Variants in CXXC1 observed in about 807,000 individuals in gnomAD.
The protein encoded by CXXC1 is CXXC finger protein 1.
In CXXC1, 21 loss-of-function variants were observed where a neutral mutation model predicts 83.6. That is an observed-to-expected ratio of 0.25 (90% CI 0.18 to 0.36). The LOEUF (loss-of-function observed/expected upper bound fraction) is 0.36, where lower values mean the gene tolerates loss of function less well. CXXC1 is among the 10% of genes least tolerant of loss of function. The pLI, the probability that CXXC1 is intolerant of heterozygous loss-of-function variation, is 1.00. For synonymous variants in CXXC1, 371 were observed against 337.5 expected, an observed-to-expected ratio of 1.10 and a Z score of -1.09; for missense variants, 688 against 919.5, an observed-to-expected ratio of 0.75 and a Z score of 3.26.
chr18:50,282,752 C>A lies in CXXC1; in HGVS notation c.1825-13G>T. The A allele has an allele frequency of 6.2e-7, 1 of 1,613,338 alleles. No homozygotes were observed. Among genetic ancestry groups the A allele is most frequent in the Non-Finnish European group, 8.5e-7 (1 of 1,179,680 alleles). On this transcript the variant is annotated splice_polypyrimidine_tract_variant and intron_variant, in intron 14 of 14. Coordinates refer to ENST00000285106, the MANE Select transcript of CXXC1 (RefSeq NM_014593.4). The surrounding 1 kb of genome is among the most constrained non-coding windows in gnomAD (Gnocchi z 5.8). Reference sequence around the variant, plus strand: ...CCAGCTTGTACCACTGCCAAGGGAGCGGCAGGAGTCCTAAGCAGGAACACC... The same window carrying A: ...CCAGCTTGTACCACTGCCAAGGGAGAGGCAGGAGTCCTAAGCAGGAACACC...
In CXXC1 at chr18:50,283,663, G is replaced by A. The variant is rs2040661135; in HGVS notation, c.1524+42C>T. On this transcript the variant is annotated intron_variant, in intron 11 of 14. Coordinates refer to ENST00000285106, the MANE Select transcript of CXXC1 (RefSeq NM_014593.4). ...CAAATCTGTCCCCCACTGGCCCACT[G>A]ATGTTCCCACATGGTCCGCCCCCTC... The A allele has an allele frequency of 1.9e-6, 3 of 1,609,366 alleles. No individual in the cohort carries two copies. In the African/African-American group the frequency reaches 4.0e-5, roughly 22 times the overall value.
chr18:50,282,416 C>T lies in CXXC1; in HGVS notation c.*177G>A. The T allele has an allele frequency of 1.3e-6, 1 of 774,508 alleles. No homozygotes were observed. The highest frequency in any genetic ancestry group is 2.5e-5 in the East Asian group (1 of 40,362). 48.0% of individuals were successfully genotyped at this position (774,508 alleles called of 1,614,324 possible). A position where few individuals can be genotyped will look rare whatever the true frequency, so the allele number is the denominator to read the frequency against. On this transcript the variant is annotated 3_prime_UTR_variant, in exon 15 of 15. Transcript: ENST00000285106. This position sits in a 1 kb window ranked among gnomAD's most constrained non-coding sequence, Gnocchi z 5.8. ...CAAGGATGAGTGGACTCCGCAGCCC[C>T]ACCAGGCACTGAACATGTCGACGGG...
In CXXC1 at chr18:50,284,418, TG is replaced by T; in HGVS notation, c.1164del (p.Lys389SerfsTer9). 6.3e-7 allele frequency: 1 copy of T among 1,575,732 alleles called. No homozygotes were observed. The highest frequency in any genetic ancestry group is 8.6e-7 in the Non-Finnish European group (1 of 1,163,840). On this transcript the variant is annotated frameshift_variant, in exon 9 of 15. Coordinates refer to ENST00000285106, the MANE Select transcript of CXXC1 (RefSeq NM_014593.4). LOFTEE classifies it high-confidence loss of function. ...PGCVRPAQPS[S>X]KYCSDDCGMK... ...ATGCCACAGTCATCTGAGCAATACT[TG>T]GAGCTGGGCTGGGCGGGGCGCACAC...
At position 50,282,663 on chromosome 18, in the gene CXXC1, G is replaced by A; in HGVS notation, c.1901C>T (p.Ala634Val). The A allele has an allele frequency of 6.2e-7, 1 of 1,613,182 alleles. No individual in the cohort carries two copies. The highest frequency in any genetic ancestry group is 8.5e-7 in the Non-Finnish European group (1 of 1,180,016). Residue 634 changes from alanine (A) to valine (V), a missense_variant, in exon 15 of 15, where the codon GCC (alanine) becomes GTC (valine). Physicochemically the swap from Ala to Val is moderately conservative, Grantham distance 64. Around this residue, in one of 9 missense-constraint regions of CXXC1, gnomAD observed 114 missense variants for 173.3 expected, o/e 0.66. Transcript: ENST00000285106. The surrounding 1 kb of genome is among the most constrained non-coding windows in gnomAD (Gnocchi z 5.8). ...TAMTNRAGLL[A>V]LMLHQTIQHD... ...CTGGATCGTCTGGTGCAGCATCAGG[G>A]CCAGCAATCCCGCGCGGTTTGTCAT...
chr18:50,284,337 T>C (rs770564815), intron 9 of CXXC1, 41 bp downstream of exon 9: 2 of 1,517,926 alleles, frequency 1.3e-6, no homozygotes, highest in Admixed American at 2.1e-5. Context: ...GGCCCTACCA[T>C]GCACTTCCTG....
chr18:50,286,470 C>T lies in CXXC1; in HGVS notation c.223+69G>A, dbSNP rs533222276. ...AGACGTGTATCACTAATCCCCATAA[C>T]CCCCCCTTGTGGCTCCTCCTCCTCC... On this transcript the variant is annotated intron_variant, in intron 3 of 14. Coordinates refer to ENST00000285106, the MANE Select transcript of CXXC1 (RefSeq NM_014593.4). 1.7e-5 allele frequency: 22 copies of T among 1,309,026 alleles called. No homozygotes were observed. In the African/African-American group the frequency reaches 2.5e-4, roughly 15 times the overall value. The allele number at this position is 1,309,026 out of a possible 1,614,324, so 81.1% of individuals were successfully genotyped here. A position where few individuals can be genotyped will look rare whatever the true frequency, so the allele number is the denominator to read the frequency against.
chr18:50,286,850 A>C lies in CXXC1; in HGVS notation c.12T>G (p.Asp4Glu), dbSNP rs767463257. The change falls in exon 2 of 15, where the codon GAT becomes GAG. Residue 4 changes from aspartate (D) to glutamate (E), a missense_variant. Coordinates refer to ENST00000285106, the MANE Select transcript of CXXC1 (RefSeq NM_014593.4). ...CATCTGGAGGCTCTGGGTCTGAACC[A>C]TCTCCCTCCTGCAGGACACCCCCAT... MEG[D>E]GSDPEPPDAG... is the part of the protein sequence containing the mutation. The C allele has an allele frequency of 1.2e-6, 2 of 1,611,224 alleles. No individual in the cohort carries two copies. The highest frequency in any genetic ancestry group is 2.2e-5 in the South Asian group (2 of 90,998).
chr18:50,283,614 C>A, intron 11 of CXXC1, 50 bp from the exon 12 acceptor site: 1 of 1,610,446 alleles, frequency 6.2e-7, no homozygotes, highest in Non-Finnish European at 8.5e-7. Context: ...CGCTGCATGC[C>A]CTCCCAAGAC....
In CXXC1 at chr18:50,284,543, C is replaced by T. The variant is rs1395156743; in HGVS notation, c.1040G>A (p.Arg347Gln). ...SEKKKEERYK[R>Q]HRQKQKHKDK... Reference sequence around the variant, plus strand: ...CTTGTGCTTCTGCTTCTGCCGATGCCGCTTGTATCGCTCCTCCTTCTGTTG... The same window carrying T: ...CTTGTGCTTCTGCTTCTGCCGATGCTGCTTGTATCGCTCCTCCTTCTGTTG... The change falls in exon 9 of 15, where the codon CGG becomes CAG. Residue 347 changes from arginine (R) to glutamine (Q), a missense_variant. By Grantham distance (43) the Arg-to-Gln change is conservative. This residue lies in a region of CXXC1 where 190 missense variants were observed against 199.7 expected (regional missense o/e 0.95). Transcript: ENST00000285106. 7.6e-6 allele frequency: 12 copies of T among 1,587,756 alleles called. No individual in the cohort carries two copies. Among genetic ancestry groups the T allele is most frequent in the Non-Finnish European group, 1.0e-5 (12 of 1,165,954 alleles).
At position 50,282,424 on chromosome 18, in the gene CXXC1, A is replaced by C. The variant is rs2040487936; in HGVS notation, c.*169T>G. 1.2e-6 allele frequency: 1 copy of C among 817,158 alleles called. No homozygotes were observed. Among genetic ancestry groups the C allele is most frequent in the Non-Finnish European group, 2.0e-6 (1 of 504,572 alleles). 50.6% of individuals were successfully genotyped at this position (817,158 alleles called of 1,614,324 possible). On this transcript the variant is annotated 3_prime_UTR_variant, in exon 15 of 15. Transcript: ENST00000285106. This position sits in a 1 kb window ranked among gnomAD's most constrained non-coding sequence, Gnocchi z 5.8. ...AGTGGACTCCGCAGCCCCACCAGGCACTGAACATGTCGACGGGGACAGTCC... is the reference window on the plus strand; with the variant it reads ...AGTGGACTCCGCAGCCCCACCAGGCCCTGAACATGTCGACGGGGACAGTCC...
In CXXC1 at chr18:50,284,578, AGTCAG is replaced by A; in HGVS notation, c.1021-21_1021-17del. On this transcript the variant is annotated splice_polypyrimidine_tract_variant and intron_variant, in intron 8 of 14. Coordinates refer to ENST00000285106, the MANE Select transcript of CXXC1 (RefSeq NM_014593.4). ...GCTCCTCCTTCTGTTGAGCAAGACA[AGTCAG>A]GTCAGGGTGGAGTCAAAGTCAGCCC... 7 of 1,581,942 alleles carry A rather than the reference AGTCAG, an allele frequency of 4.4e-6. No homozygotes were observed. The highest frequency in any genetic ancestry group is 6.0e-6 in the Non-Finnish European group (7 of 1,161,716).
chr18:50,285,301 C>A lies in CXXC1; in HGVS notation c.666+24G>T, dbSNP rs1599673646. 6.2e-7 allele frequency: 1 copy of A among 1,609,700 alleles called. No homozygotes were observed. The highest frequency in any genetic ancestry group is 8.5e-7 in the Non-Finnish European group (1 of 1,177,068). The stretch of plus-strand genomic sequence containing the variant: ...TGACCGCCCTGCCCGCATGCCCCAC[C>A]CCACCCTGGGGGGCTGGACTCACCG... On this transcript the variant is annotated intron_variant, in intron 6 of 14. Coordinates refer to ENST00000285106, the MANE Select transcript of CXXC1 (RefSeq NM_014593.4). This position sits in a 1 kb window ranked among gnomAD's most constrained non-coding sequence, Gnocchi z 4.4.
intron 1 of CXXC1, chr18:50,287,093 C>A: frequency 1.7e-6 from 1 of 572,080 alleles, no homozygotes; most frequent in Non-Finnish European, 3.1e-6. Context: ...CTCCCTGCGT[C>A]CACACTCGCT....
In CXXC1 at chr18:50,284,494, C is replaced by T. The variant is rs1243992635; in HGVS notation, c.1089G>A (p.Arg363=). 3 of 1,609,316 alleles carry T rather than the reference C, an allele frequency of 1.9e-6. No homozygotes were observed. The highest frequency in any genetic ancestry group is 2.5e-6 in the Non-Finnish European group (3 of 1,177,752). Residue 363 remains arginine (R), a synonymous_variant, in exon 9 of 15, where the codon AGG becomes AGA. Transcript: ENST00000285106. ...KHKDKWKHPE[R]ADAKDPASLP... is the part of the protein sequence containing the mutation. Reference sequence around the variant, plus strand: ...GTGACGCAGGGTCCTTGGCATCAGCCCTCTCTGGGTGTTTCCATTTATCCT... The same window carrying T: ...GTGACGCAGGGTCCTTGGCATCAGCTCTCTCTGGGTGTTTCCATTTATCCT...
At position 50,284,045 on chromosome 18, in the gene CXXC1, A is replaced by T; in HGVS notation, c.1262T>A (p.Ile421Asn). 1 of 1,611,632 alleles carries T rather than the reference A, an allele frequency of 6.2e-7. No individual in the cohort carries two copies. Among genetic ancestry groups the T allele is most frequent in the Non-Finnish European group, 8.5e-7 (1 of 1,179,896 alleles). The change falls in exon 10 of 15, where the codon ATT (isoleucine) becomes AAT (asparagine). Residue 421 changes from isoleucine (I) to asparagine (N), a missense_variant. Physicochemically the swap from Ile to Asn is moderately radical, Grantham distance 149. Coordinates refer to ENST00000285106, the MANE Select transcript of CXXC1 (RefSeq NM_014593.4). The stretch of plus-strand genomic sequence containing the variant: ...CAGCTTCTTGCCGTGCTCTTCAGCA[A>T]TGCAAGGGCTCTGCTGCCACTGCTG... Reference protein sequence around the residue: ...RIQQWQQSPCIAEEHGKKLLE... With the variant: ...RIQQWQQSPCNAEEHGKKLLE...
Position 50,284,022 on chromosome 18 carries a change from G to A in CXXC1, c.1285C>T (p.Leu429=), listed in dbSNP as rs2040672326. The part of the protein sequence containing the change: ...PCIAEEHGKK[L]LERIRREQQS... ...TGCTCTCGGCGAATGCGTTCGAGCAGCTTCTTGCCGTGCTCTTCAGCAATG... is the reference window on the plus strand; with the variant it reads ...TGCTCTCGGCGAATGCGTTCGAGCAACTTCTTGCCGTGCTCTTCAGCAATG... Residue 429 remains leucine (L), a synonymous_variant, in exon 10 of 15, where the codon CTG becomes TTG. Transcript: ENST00000285106. The A allele has an allele frequency of 6.2e-7, 1 of 1,612,612 alleles. No homozygotes were observed. Among genetic ancestry groups the A allele is most frequent in the Non-Finnish European group, 8.5e-7 (1 of 1,180,036 alleles).
At chr18:50,287,113 T>TG in intron 1 of CXXC1, 1 of 544,442 alleles carries the variant, frequency 1.8e-6, no homozygotes, top group Non-Finnish European at 3.3e-6. Flanking sequence ...TAATGGGTCA[T>TG]GGCGACCCTC....
At chr18:50,283,593 C>G (rs750981571) in intron 11 of CXXC1, 29 bp from the exon 12 acceptor site, 1 of 1,613,556 alleles carries the variant, frequency 6.2e-7, no homozygotes. Context: ...ATGGAGGGAA[C>G]TGTGGATGTG....
In CXXC1 at chr18:50,282,559, G is replaced by A. The variant is rs760401079; in HGVS notation, c.*34C>T. 6 of 1,600,092 alleles carry A rather than the reference G, an allele frequency of 3.7e-6. No homozygotes were observed. The Admixed American group carries it at 6.7e-5, about 18-fold the overall frequency. ...GGGCACCGGGCGGCTCCCCCATCTG[G>A]AATGCAGGGTGTAAGGGGTCCGGGC... On this transcript the variant is annotated 3_prime_UTR_variant, in exon 15 of 15. Coordinates refer to ENST00000285106, the MANE Select transcript of CXXC1 (RefSeq NM_014593.4). This position sits in a 1 kb window ranked among gnomAD's most constrained non-coding sequence, Gnocchi z 5.8.
Sources: gnomAD v4.1 joint callset for allele counts on GRCh38, gnomAD v4.1.1 for gene constraint, gnomAD v4.1.1 regional missense constraint, Gnocchi (gnomAD v3.1) non-coding constraint, MANE v1.5 for transcripts, NCBI Gene and HGNC (gene_info 2026-07-23, HGNC 2026-07-21) for gene names.